Variants in DLG2 observed in about 807,000 individuals in gnomAD.
DLG2 encodes the protein disks large homolog 2.
A neutral mutation model predicts 132.5 loss-of-function variants in DLG2; 45 were observed. The ratio of observed to expected loss-of-function variants is 0.34; its 90% CI spans 0.27 to 0.44. The LOEUF (loss-of-function observed/expected upper bound fraction) is 0.44. DLG2 is among the 20% of genes least tolerant of loss of function. The pLI, the probability that DLG2 is intolerant of heterozygous loss-of-function variation, is 1.00. For missense variants in DLG2, 1,045 were observed against 1,196.9 expected (o/e 0.87, Z 1.87); for synonymous variants, 424 against 419.6 (o/e 1.01, Z -0.13).
At chr11:84,199,582 A>C (rs578011559) in intron 8 of DLG2, among the ~76,000 whole-genome samples, 1 of 152,236 alleles carries the variant, frequency 6.6e-6, no homozygotes, top group African/African-American at 2.4e-5. Context: ...ACAAATAGGA[A>C]TCTTGGCAGT....
At chr11:83,731,831 T>C (rs921274004) in intron 18 of DLG2, among the ~76,000 whole-genome samples, 1 of 152,332 alleles carries the variant, frequency 6.6e-6, no homozygotes, top group Admixed American at 6.5e-5. Flanking sequence ...ATCTCCATTC[T>C]GGCTGCCTGC....
chr11:84,165,849 G>A (rs1373577038), intron 8 of DLG2, among the ~76,000 whole-genome samples: 3 of 152,066 alleles, frequency 2.0e-5, no homozygotes, highest in Non-Finnish European at 4.4e-5. Context: ...AGTGAGCCGA[G>A]ATCGCACCAC....
At chr11:85,127,942 T>C (rs1401645917) in intron 5 of DLG2, among the ~76,000 whole-genome samples, 1 of 152,204 alleles carries the variant, frequency 6.6e-6, no homozygotes, top group African/African-American at 2.4e-5. Context: ...TGGCAATAAC[T>C]TTTATTTCCT....
At chr11:84,539,103 T>G (rs147381953) in intron 6 of DLG2, among the ~76,000 whole-genome samples, 167 of 152,312 alleles carry the variant, frequency 1.1e-3, no homozygotes, top group Admixed American at 1.7e-3. Context: ...ACAGTTAATG[T>G]ACCTGGAGCC....
chr11:85,220,404 G>C (rs1409306752), intron 4 of DLG2, among the ~76,000 whole-genome samples: 1 of 152,020 alleles, frequency 6.6e-6, no homozygotes, highest in Non-Finnish European at 1.5e-5. Context: ...TAGAGTAAGA[G>C]TGTGCCTGGG....
intron 6 of DLG2, among the ~76,000 whole-genome samples, chr11:84,739,676 T>A (rs1338114615): frequency 6.6e-6 from 1 of 152,154 alleles, no homozygotes; most frequent in African/African-American, 2.4e-5. Context: ...CCTGGGACTT[T>A]CATTTGACTG....
At chr11:84,731,565 A>T (rs866030306) in intron 6 of DLG2, among the ~76,000 whole-genome samples, 51 of 152,112 alleles carry the variant, frequency 3.4e-4, no homozygotes, top group Middle Eastern at 3.4e-3. Flanking sequence ...TAGAGGGAAT[A>T]GGATATACAA....
Position 84,965,224 on chromosome 11 carries a change from T to C in DLG2, c.357+146437A>G, listed in dbSNP as rs11234255. On this transcript the variant is annotated intron_variant, in intron 6 of 27. Coordinates refer to ENST00000376104, the MANE Select transcript of DLG2 (RefSeq NM_001142699.3). The stretch of plus-strand genomic sequence containing the variant: ...AAATTTTATCCAACACAGCAGTAAA[T>C]GTGTTCAGTGAGACCTAAGGTCAGA... Among the ~76,000 whole-genome samples, 912 of 152,168 alleles carry C rather than the reference T, an allele frequency of 6.0e-3. 2 individuals carry two copies. Among genetic ancestry groups the C allele is most frequent in the South Asian group, 0.014 (68 of 4,828 alleles).
intron 11 of DLG2, among the ~76,000 whole-genome samples, chr11:84,031,834 A>AT (rs1351199882): frequency 6.6e-6 from 1 of 152,044 alleles, no homozygotes; most frequent in African/African-American, 2.4e-5. Context: ...TATTGGCACC[A>AT]TTTTTCCAAC....
chr11:85,489,147 A>T (rs1172886076), intron 3 of DLG2, among the ~76,000 whole-genome samples: 1 of 152,244 alleles, frequency 6.6e-6, no homozygotes, highest in African/African-American at 2.4e-5. Flanking sequence ...CATGAAAAAA[A>T]TCATCCAACT....
At chr11:83,922,534 C>A (rs551176542) in intron 15 of DLG2, among the ~76,000 whole-genome samples, 1 of 152,080 alleles carries the variant, frequency 6.6e-6, no homozygotes, top group African/African-American at 2.4e-5. Flanking sequence ...ATTATATCAG[C>A]CTTTTAAGGG....
At chr11:84,837,055 C>T (rs893495379) in intron 6 of DLG2, among the ~76,000 whole-genome samples, 9 of 151,824 alleles carry the variant, frequency 5.9e-5, no homozygotes, top group African/African-American at 1.4e-4. Flanking sequence ...GTTCCCCTTC[C>T]TGTGTCCATG....
chr11:85,158,685 C>A (rs1026800509), intron 4 of DLG2, among the ~76,000 whole-genome samples: 3 of 152,088 alleles, frequency 2.0e-5, no homozygotes, highest in African/African-American at 7.2e-5. Context: ...AGGGGCCAAG[C>A]GGTAGCACTC....
chr11:84,074,878 C>A (rs2096805875), intron 10 of DLG2, among the ~76,000 whole-genome samples: 1 of 152,096 alleles, frequency 6.6e-6, no homozygotes, highest in South Asian at 2.1e-4. Flanking sequence ...TCATCCCTTA[C>A]TTAAGACCTA....
intron 6 of DLG2, among the ~76,000 whole-genome samples, chr11:85,031,329 T>G (rs917921844): frequency 1.1e-4 from 17 of 152,248 alleles, no homozygotes; most frequent in African/African-American, 3.8e-4. Flanking sequence ...TTAGGTATAT[T>G]TATTTCTAAG....
chr11:84,110,346 C>T (rs2093272058), intron 9 of DLG2, among the ~76,000 whole-genome samples: 1 of 152,080 alleles, frequency 6.6e-6, no homozygotes, highest in East Asian at 1.9e-4. Flanking sequence ...CTTACCCTCC[C>T]CACACCCCAG....
At chr11:83,586,671 G>C (rs1360235689) in intron 19 of DLG2, among the ~76,000 whole-genome samples, 1 of 152,186 alleles carries the variant, frequency 6.6e-6, no homozygotes, top group African/African-American at 2.4e-5. Flanking sequence ...AATCTGCATA[G>C]CAGCTCTATA....
intron 26 of DLG2, among the ~76,000 whole-genome samples, chr11:83,466,419 G>T (rs2091050994): frequency 6.6e-6 from 1 of 151,766 alleles, no homozygotes; most frequent in Non-Finnish European, 1.5e-5. Flanking sequence ...AACTAACAAA[G>T]AAAACAATCC....
intron 18 of DLG2, among the ~76,000 whole-genome samples, chr11:83,654,594 T>G (rs2071729550): frequency 6.6e-6 from 1 of 152,196 alleles, no homozygotes. Flanking sequence ...ATTCAGGCAT[T>G]TTGATGTATT....
Sources: gnomAD v4.1 joint callset for allele counts (sites outside exome capture counted in the v4.1 genomes callset) on GRCh38, gnomAD v4.1.1 for gene constraint, MANE v1.5 for transcripts, NCBI Gene and HGNC (gene_info 2026-07-23, HGNC 2026-07-21) for gene names.